GGA2: variants seen among roughly 807,000 people sequenced by gnomAD.
GGA2 encodes the protein golgi associated, gamma adaptin ear containing, ARF binding protein 2.
GGA2 carries 48 observed loss-of-function variants against 79.5 expected under a neutral mutation model. The ratio of observed to expected loss-of-function variants is 0.60; its 90% CI spans 0.48 to 0.77. GGA2 has a LOEUF of 0.77. GGA2 is among the 30% of genes least tolerant of loss of function. The pLI is 0.00. For missense variants in GGA2, 770 were observed against 774.0 expected, an observed-to-expected ratio of 0.99 and a Z score of 0.06; for synonymous variants, 317 against 302.0, an observed-to-expected ratio of 1.05 and a Z score of -0.51.
At chr16:23,522,035 T>C, upstream of GGA2, 1 of 334,138 alleles carries the variant, frequency 3.0e-6, no homozygotes, top group South Asian at 2.4e-5. Flanking sequence ...AAAAAAAATT[T>C]ACTGAGATGA....
chr16:23,519,019 A>T (rs1195035051), intron 2 of GGA2, among the ~76,000 whole-genome samples: 1 of 151,108 alleles, frequency 6.6e-6, no homozygotes, highest in African/African-American at 2.4e-5. Flanking sequence ...ATAAAAATGT[A>T]ATTTTCTAGA....
At chr16:23,503,414 TTTTC>T (rs1964940997) in intron 1 of GGA2, among the ~76,000 whole-genome samples, 1 of 152,232 alleles carries the variant, frequency 6.6e-6, no homozygotes, top group Non-Finnish European at 1.5e-5. Flanking sequence ...AATAATGATA[TTTTC>T]TTTTTTATCT....
chr16:23,488,618 T>C lies in GGA2; in HGVS notation c.567A>G (p.Glu189=). 1 of 1,598,680 alleles carries C rather than the reference T, an allele frequency of 6.3e-7. No homozygotes were observed. The highest frequency in any genetic ancestry group is 2.2e-5 in the East Asian group (1 of 44,808). Reference sequence around the variant, plus strand: ...TCTGTTTCCTTACCTTGGACTTTTCTTCATCAGCATCAAAGATGGAGCTCT... The same window carrying C: ...TCTGTTTCCTTACCTTGGACTTTTCCTCATCAGCATCAAAGATGGAGCTCT... The part of the protein sequence containing the change: ...WPKSSIFDAD[E]EKSKLLTRLL... Residue 189 remains glutamate (E), a synonymous_variant, in exon 6 of 17, where the codon GAA becomes GAG. Transcript: ENST00000309859.
intron 1 of GGA2, among the ~76,000 whole-genome samples, chr16:23,510,032 G>C (rs1364148455): frequency 6.8e-6 from 1 of 147,988 alleles, no homozygotes; most frequent in Non-Finnish European, 1.5e-5. Context: ...GGAAAGCGCA[G>C]GTCACGTAGC....
chr16:23,491,553 A>C, intron 5 of GGA2, 124 bp downstream of exon 5: 1 of 590,422 alleles, frequency 1.7e-6, no homozygotes, highest in Admixed American at 3.0e-5. Flanking sequence ...AAAAAACTCT[A>C]CCTCAGTGTC....
intron 7 of GGA2, among the ~76,000 whole-genome samples, chr16:23,486,499 C>G (rs1242570741): frequency 6.6e-6 from 1 of 152,178 alleles, no homozygotes; most frequent in Non-Finnish European, 1.5e-5. Context: ...TGGATGAAAG[C>G]AGCTGAGAAG....
exon 1 of GGA2, chr16:23,521,881 T>C: frequency 2.2e-6 from 1 of 455,964 alleles, no homozygotes; most frequent in Middle Eastern, 3.3e-4. Flanking sequence ...AGAGTTAAGC[T>C]TGGACTCTGG....
intron 5 of GGA2, among the ~76,000 whole-genome samples, chr16:23,489,255 G>A (rs899438800): frequency 1.1e-4 from 16 of 152,188 alleles, no homozygotes; most frequent in African/African-American, 3.6e-4. Flanking sequence ...TTGTTTTTGA[G>A]ACAGATTCTT....
chr16:23,524,282 C>T (rs1420413768), upstream of GGA2: 29 of 1,123,182 alleles, frequency 2.6e-5, no homozygotes, highest in Middle Eastern at 2.1e-4. Context: ...AACTTCCCGA[C>T]GGGCCCCAGG....
chr16:23,524,188 C>G (rs769364311), upstream of GGA2: 2 of 638,324 alleles, frequency 3.1e-6, no homozygotes, highest in Non-Finnish European at 5.6e-6. Flanking sequence ...CTTCCCCAGC[C>G]AATTGACAAA....
rs1010012690 is a variant in GGA2 at position 23,498,280 on chromosome 16, C to CA, written c.92-2503dup. The stretch of plus-strand genomic sequence containing the variant: ...GGGTGACAAGGTGAGACTCTGTCTC[C>CA]AAAAAAAAAAAAAGCCAGGCATGGT... On this transcript the variant is annotated intron_variant, in intron 1 of 16. Coordinates refer to ENST00000309859, the MANE Select transcript of GGA2 (RefSeq NM_015044.4). Among the ~76,000 whole-genome samples the CA allele has an allele frequency of 4.1e-3, 480 of 115,678 alleles. 2 individuals are homozygous for CA. The highest frequency in any genetic ancestry group is 6.7e-3 in the African/African-American group (206 of 30,764). 75.9% of individuals were successfully genotyped at this position (115,678 alleles called of 152,430 possible).
chr16:23,510,039 T>C (rs780575088), intron 1 of GGA2, among the ~76,000 whole-genome samples: 4 of 132,988 alleles, frequency 3.0e-5, no homozygotes, highest in Non-Finnish European at 6.3e-5. Context: ...GCAGGTCACG[T>C]AGCCATTGGG....
At chr16:23,510,236 G>A in intron 1 of GGA2, 85 bp downstream of exon 1, 1 of 883,430 alleles carries the variant, frequency 1.1e-6, no homozygotes, top group South Asian at 2.7e-5. Context: ...GCGGCCGCCC[G>A]CCCCGAAGCA....
At position 23,475,008 on chromosome 16, in the gene GGA2, G is replaced by A; in HGVS notation, c.1346C>T (p.Ser449Phe). 6.2e-7 allele frequency: 1 copy of A among 1,607,754 alleles called. No homozygotes were observed. Among genetic ancestry groups the A allele is most frequent in the Non-Finnish European group, 8.5e-7 (1 of 1,175,898 alleles). The change falls in exon 14 of 17, where the codon TCC becomes TTC. Residue 449 changes from serine to phenylalanine, a missense_variant. Coordinates refer to ENST00000309859, the MANE Select transcript of GGA2 (RefSeq NM_015044.4). ...VPKEVPPGTK[S>F]SPGWSWEAGP... ...AGCCTCCCAGGACCAACCTGGAGAGGACTTAGTACCTGGTGGCACTTCCTT... is the reference window on the plus strand; with the variant it reads ...AGCCTCCCAGGACCAACCTGGAGAGAACTTAGTACCTGGTGGCACTTCCTT...
At chr16:23,471,127 C>T (rs1278138349) in intron 14 of GGA2, among the ~76,000 whole-genome samples, 1 of 152,096 alleles carries the variant, frequency 6.6e-6, no homozygotes, top group Non-Finnish European at 1.5e-5. Flanking sequence ...AGGCGTGAGC[C>T]ACTGCACCCG....
chr16:23,488,547 C>T, intron 6 of GGA2, 59 bp downstream of exon 6: 1 of 970,916 alleles, frequency 1.0e-6, no homozygotes, highest in Non-Finnish European at 1.7e-6. Context: ...CATCAAAGGG[C>T]ATTTACAGTG....
At chr16:23,472,410 T>C (rs1449626206) in intron 14 of GGA2, among the ~76,000 whole-genome samples, 5 of 151,180 alleles carry the variant, frequency 3.3e-5, no homozygotes, top group African/African-American at 7.3e-5. Context: ...GTTGGCCAGG[T>C]TGGTCTCAAA....
chr16:23,510,477 C>T lies in GGA2; in HGVS notation c.-66G>A, dbSNP rs1466420201. ...CTTCAGCCGCTGTAGCGTCCTGGCG[C>T]TCTCCTCTGCTGACTGCGCGGCAGG... On this transcript the variant is annotated 5_prime_UTR_variant, in exon 1 of 17. Transcript: ENST00000309859. The T allele has an allele frequency of 1.0e-5, 6 of 580,146 alleles. No individual in the cohort carries two copies. Among genetic ancestry groups the T allele is most frequent in the Admixed American group, 4.4e-5 (1 of 22,560 alleles). The allele number at this position is 580,146 out of a possible 1,614,324, so 35.9% of individuals were successfully genotyped here. A position where few individuals can be genotyped will look rare whatever the true frequency, so the allele number is the denominator to read the frequency against.
intron 1 of GGA2, 46 bp from the exon 2 acceptor site, chr16:23,495,824 T>A (rs1371542205): frequency 8.2e-7 from 1 of 1,226,430 alleles, no homozygotes; most frequent in Admixed American, 1.8e-5. Context: ...TAGGAAGAAA[T>A]TTACACCCCT....
Sources: gnomAD v4.1 joint callset for allele counts (sites outside exome capture counted in the v4.1 genomes callset) on GRCh38, gnomAD v4.1.1 for gene constraint, MANE v1.5 for transcripts, NCBI Gene and HGNC (gene_info 2026-07-23, HGNC 2026-07-21) for gene names.